The following ORC3 variants were observed in gnomAD, a reference collection of about 807,000 sequenced individuals.
ORC3 encodes origin recognition complex subunit 3, also known as homolog of latheo, Drosophila.
A neutral mutation model predicts 100.7 loss-of-function variants in ORC3; 78 were observed. The ratio of observed to expected loss-of-function variants is 0.77; its 90% CI spans 0.65 to 0.94. The LOEUF (loss-of-function observed/expected upper bound fraction) is 0.94. Among genes scored for constraint, ORC3 ranks in the 40% least tolerant of loss-of-function variants. The pLI is 0.00. For synonymous variants in ORC3, 295 were observed against 289.3 expected, an observed-to-expected ratio of 1.02 and a Z score of -0.20; for missense variants, 789 against 823.9, an observed-to-expected ratio of 0.96 and a Z score of 0.52.
At chr6:87,674,656 AG>A in the ORC3 span, among the ~76,000 whole-genome samples, 1 of 142,932 alleles carries the variant, frequency 7.0e-6, no homozygotes, top group African/African-American at 2.6e-5. Context: ...TTTTTTTTTT[AG>A]TAGAGATGGG....
At position 87,664,810 on chromosome 6, in the gene ORC3, A is replaced by G; in HGVS notation, c.1901A>G (p.Lys634Arg). Residue 634 changes from lysine (K) to arginine (R), a missense_variant, in exon 18 of 20, where the codon AAA becomes AGA. Physicochemically the swap from Lys to Arg is conservative, Grantham distance 26. Around this residue, in one of 3 missense-constraint regions of ORC3, gnomAD observed 366 missense variants for 394.2 expected, o/e 0.93. Transcript: ENST00000392844. Reference protein sequence around the residue: ...NIAPDICIAYKLHLECSRLIN... With the variant: ...NIAPDICIAYRLHLECSRLIN... ...GCCCCAGACATCTGCATAGCATACA[A>G]ACTGCACCTAGAGTGTAGCAGGCTC... is the stretch of plus-strand genomic sequence containing the variant. 1 of 1,614,148 alleles carries G rather than the reference A, an allele frequency of 6.2e-7. No individual in the cohort carries two copies. Among genetic ancestry groups the G allele is most frequent in the Non-Finnish European group, 8.5e-7 (1 of 1,179,996 alleles).
chr6:87,600,792 G>A lies in ORC3; in HGVS notation c.80-992G>A, dbSNP rs370415698. Among the ~76,000 whole-genome samples, 40 of 118,558 alleles carry A rather than the reference G, an allele frequency of 3.4e-4. No individual in the cohort carries two copies. In the East Asian group the frequency reaches 5.3e-3, roughly 16 times the overall value. The allele number at this position is 118,558 out of a possible 152,430, so 77.8% of individuals were successfully genotyped here. On this transcript the variant is annotated intron_variant, in intron 2 of 19. Coordinates refer to ENST00000392844, the MANE Select transcript of ORC3 (RefSeq NM_012381.4). The stretch of plus-strand genomic sequence containing the variant: ...ATGTGTGAGTTATGAAATCAATTTA[G>A]TGGACTATGAGTATAAAACAGGAAA...
chr6:87,641,965 T>C (rs955826156), intron 13 of ORC3, among the ~76,000 whole-genome samples: 1 of 152,162 alleles, frequency 6.6e-6, no homozygotes, highest in African/African-American at 2.4e-5. Context: ...ATGATGTAGA[T>C]TTATCCATCC....
chr6:87,652,550 G>A (rs1027837394), intron 13 of ORC3, among the ~76,000 whole-genome samples: 3 of 152,196 alleles, frequency 2.0e-5, no homozygotes, highest in African/African-American at 7.2e-5. Flanking sequence ...GAGATGTAAA[G>A]CATAGTTTAA....
Position 87,612,132 on chromosome 6 carries a change from G to C in ORC3, c.757G>C (p.Ala253Pro). The C allele has an allele frequency of 1.2e-6, 2 of 1,613,396 alleles. No individual in the cohort carries two copies. The highest frequency in any genetic ancestry group is 2.2e-5 in the South Asian group (2 of 90,958). ...EFPLILIFGI[A>P]TSPIIIHRLL... ...TCCACTAATACTCATTTTTGGAATA[G>C]CCACATCTCCTATTATCATCCACCG... The change falls in exon 8 of 20, where the codon GCC becomes CCC. Residue 253 changes from alanine to proline, a missense_variant. Coordinates refer to ENST00000392844, the MANE Select transcript of ORC3 (RefSeq NM_012381.4).
rs1183639163 is a variant in ORC3 at position 87,667,241 on chromosome 6, T to C, written c.*118T>C. 5 of 602,654 alleles carry C rather than the reference T, an allele frequency of 8.3e-6. No individual in the cohort carries two copies. The East Asian group carries it at 1.2e-4, about 14-fold the overall frequency. The allele number at this position is 602,654 out of a possible 1,614,324, so 37.3% of individuals were successfully genotyped here. A position where few individuals can be genotyped will look rare whatever the true frequency, so the allele number is the denominator to read the frequency against. On this transcript the variant is annotated 3_prime_UTR_variant, in exon 20 of 20. Coordinates refer to ENST00000392844, the MANE Select transcript of ORC3 (RefSeq NM_012381.4). ...TGAGAAGATAAATGTGTAACCCCCA[T>C]TGATGTTTAACCAGAAAAGTACATT...
In ORC3 at chr6:87,665,853, TC is replaced by T. The variant is rs762888163; in HGVS notation, c.2030+21del. The T allele has an allele frequency of 2.1e-6, 3 of 1,411,420 alleles. No individual in the cohort carries two copies. Among genetic ancestry groups the T allele is most frequent in the African/African-American group, 1.4e-5 (1 of 70,970 alleles). 87.4% of individuals were successfully genotyped at this position (1,411,420 alleles called of 1,614,324 possible). A position where few individuals can be genotyped will look rare whatever the true frequency, so the allele number is the denominator to read the frequency against. On this transcript the variant is annotated intron_variant, in intron 19 of 19. Coordinates refer to ENST00000392844, the MANE Select transcript of ORC3 (RefSeq NM_012381.4). ...TATCCAGTATCCTTTTAAAACCATT[TC>T]TACAATGTCCAACTACACATAAAAT...
intron 8 of ORC3, among the ~76,000 whole-genome samples, chr6:87,614,677 T>C (rs1302964643): frequency 6.6e-6 from 1 of 152,124 alleles, no homozygotes; most frequent in Non-Finnish European, 1.5e-5. Context: ...AGTTCAAAGT[T>C]CCACAAATCT....
At chr6:87,642,223 T>C (rs1583118978) in intron 13 of ORC3, among the ~76,000 whole-genome samples, 1 of 150,096 alleles carries the variant, frequency 6.7e-6, no homozygotes, top group Non-Finnish European at 1.5e-5. Flanking sequence ...GCCCAGGAGG[T>C]TGAGGCTGCC....
At chr6:87,664,553 A>C (rs1160893351) in intron 17 of ORC3, among the ~76,000 whole-genome samples, 190 bp from the exon 18 acceptor site, 1 of 152,206 alleles carries the variant, frequency 6.6e-6, no homozygotes, top group Non-Finnish European at 1.5e-5. Flanking sequence ...TAAGAACTAG[A>C]GGGGTTATGA....
chr6:87,655,680 T>A (rs1052202598), intron 14 of ORC3, among the ~76,000 whole-genome samples: 5 of 151,098 alleles, frequency 3.3e-5, no homozygotes, highest in Non-Finnish European at 7.4e-5. Context: ...TTTTTTTTTT[T>A]AAATAGAGAC....
At chr6:87,643,590 G>GA (rs1280209207) in intron 13 of ORC3, among the ~76,000 whole-genome samples, 1 of 152,058 alleles carries the variant, frequency 6.6e-6, no homozygotes, top group Non-Finnish European at 1.5e-5. Context: ...ACAGTAAACA[G>GA]AAAAAAAGAT....
rs572836059 is a variant in ORC3 at position 87,622,192 on chromosome 6, C to T, written c.1185+179C>T. 3.3e-5 allele frequency among the ~76,000 whole-genome samples: 5 copies of T among 152,186 alleles called. No individual in the cohort carries two copies. The East Asian group carries it at 9.6e-4, about 29-fold the overall frequency. On this transcript the variant is annotated intron_variant, in intron 11 of 19. Coordinates refer to ENST00000392844, the MANE Select transcript of ORC3 (RefSeq NM_012381.4). ...TTTTAAAGATGACATAAAACCTTAG[C>T]TCTAAAAGTTGAGGCTTTTTTTAAT...
intron 5 of ORC3, among the ~76,000 whole-genome samples, chr6:87,606,280 G>A (rs991713133): frequency 6.6e-6 from 1 of 152,136 alleles, no homozygotes; most frequent in Non-Finnish European, 1.5e-5. Flanking sequence ...TTTGTGAGAT[G>A]CATTCTTTAA....
chr6:87,615,659 C>T (rs1052535636), intron 8 of ORC3, among the ~76,000 whole-genome samples: 2 of 152,188 alleles, frequency 1.3e-5, no homozygotes, highest in African/African-American at 4.8e-5. Flanking sequence ...GCCACCACTG[C>T]ACTCCAGCCT....
intron 7 of ORC3, among the ~76,000 whole-genome samples, chr6:87,610,388 T>C (rs1335554319): frequency 6.6e-6 from 1 of 151,670 alleles, no homozygotes; most frequent in Admixed American, 6.6e-5. Context: ...TTTGTATTTT[T>C]AGTAGAGACA....
At chr6:87,616,289 C>A (rs746690633) in intron 8 of ORC3, 25 bp from the exon 9 acceptor site, 5 of 852,126 alleles carry the variant, frequency 5.9e-6, no homozygotes, top group South Asian at 5.5e-5. Flanking sequence ...AGGAGTGTGT[C>A]CCCCTCCCTT....
intron 2 of ORC3, among the ~76,000 whole-genome samples, chr6:87,596,448 G>GTTTTT (rs34256004): frequency 6.9e-6 from 1 of 144,256 alleles, no homozygotes; most frequent in African/African-American, 2.5e-5. Context: ...TTTTTTTGTT[G>GTTTTT]TTTTTTTTTT....
chr6:87,638,659 G>C (rs1047479165), intron 13 of ORC3, among the ~76,000 whole-genome samples: 1 of 152,156 alleles, frequency 6.6e-6, no homozygotes, highest in Admixed American at 6.5e-5. Context: ...ATGAGCACTT[G>C]TGATACCACA....
Sources: allele counts gnomAD v4.1 joint callset (sites outside exome capture counted in the v4.1 genomes callset), GRCh38; gene constraint gnomAD v4.1.1; regional missense constraint gnomAD v4.1.1; transcripts MANE v1.5; gene names NCBI Gene and HGNC (gene_info 2026-07-23, HGNC 2026-07-21).